Variants in CD93 observed in about 807,000 individuals in gnomAD.
CD93 encodes complement component C1q receptor.
In CD93, 44 loss-of-function variants were observed where a neutral mutation model predicts 45.5. The ratio of observed to expected loss-of-function variants is 0.97; its 90% CI spans 0.76 to 1.24. The LOEUF is 1.24. Among genes scored for constraint, CD93 ranks in the 50% most tolerant of loss-of-function variants. The pLI, the probability that CD93 is intolerant of heterozygous loss-of-function variation, is 0.00. For synonymous variants in CD93, 431 were observed against 370.8 expected, an observed-to-expected ratio of 1.16 and a Z score of -1.87; for missense variants, 918 against 844.5, an observed-to-expected ratio of 1.09 and a Z score of -1.08.
chr20:23,084,676 G>T lies in CD93; in HGVS notation c.1517C>A (p.Pro506His). ...RAATASPTRG[P>H]EGTPKATPTT... ...GGGTGTAGCCTTGGGGGTGCCCTCG[G>T]GGCCCCTTGTGGGACTGGCTGTTGC... Residue 506 changes from proline (P) to histidine (H), a missense_variant, in exon 1 of 2, where the codon CCC becomes CAC. Transcript: ENST00000246006. 1.3e-6 allele frequency: 2 copies of T among 1,585,398 alleles called. No homozygotes were observed. The highest frequency in any genetic ancestry group is 1.7e-6 in the Non-Finnish European group (2 of 1,166,346).
rs537781078 is a variant in CD93 at position 23,082,717 on chromosome 20, T to G, written c.*1233A>C. Reference sequence around the variant, plus strand: ...AAAAATGATTTTAGTTAGTCATCTCTTTCCCTCTTCCTTCCCTCCTTACCC... The same window carrying G: ...AAAAATGATTTTAGTTAGTCATCTCGTTCCCTCTTCCTTCCCTCCTTACCC... On this transcript the variant is annotated 3_prime_UTR_variant, in exon 2 of 2. Transcript: ENST00000246006. 7 of 152,408 alleles carry G rather than the reference T, an allele frequency of 4.6e-5. No individual in the cohort carries two copies. The South Asian group carries it at 1.4e-3, about 32-fold the overall frequency. 9.4% of individuals were successfully genotyped at this position (152,408 alleles called of 1,614,324 possible). A position where few individuals can be genotyped will look rare whatever the true frequency, so the allele number is the denominator to read the frequency against.
chr20:23,085,822 G>A lies in CD93; in HGVS notation c.371C>T (p.Pro124Leu). Residue 124 changes from proline (P) to leucine (L), a missense_variant, in exon 1 of 2, where the codon CCT becomes CTT. Physicochemically the swap from Pro to Leu is moderately conservative, Grantham distance 98. Transcript: ENST00000246006. ...FSWVGGGEDT[P>L]YSNWHKELRN... ...GAGCTCCTTGTGCCAGTTAGAGTAA[G>A]GCGTGTCCTCCCCCCCGCCCACCCA... The A allele has an allele frequency of 6.2e-7, 1 of 1,607,036 alleles. No individual in the cohort carries two copies. Among genetic ancestry groups the A allele is most frequent in the Non-Finnish European group, 8.5e-7 (1 of 1,177,526 alleles).
In CD93 at chr20:23,084,313, C is replaced by A; in HGVS notation, c.1880G>T (p.Ser627Ile). The change falls in exon 1 of 2, where the codon AGT becomes ATT. Residue 627 changes from serine (S) to isoleucine (I), a missense_variant. Ser to Ile is a moderately radical substitution (Grantham distance 142). Transcript: ENST00000246006. ...KEKKPQNAAD[S>I]YSWVPERAES... ...AGCTCGCTCTGGAACCCAGGAGTAACTGTCTGCCGCATTCTGGGGCTTCTT... is the reference window on the plus strand; with the variant it reads ...AGCTCGCTCTGGAACCCAGGAGTAAATGTCTGCCGCATTCTGGGGCTTCTT... 1 of 1,614,218 alleles carries A rather than the reference C, an allele frequency of 6.2e-7. No individual in the cohort carries two copies. The highest frequency in any genetic ancestry group is 8.5e-7 in the Non-Finnish European group (1 of 1,180,036).
rs759482480 is a variant in CD93 at position 23,085,680 on chromosome 20, G to T, written c.513C>A (p.Pro171=). The T allele has an allele frequency of 6.2e-7, 1 of 1,610,344 alleles. No homozygotes were observed. Among genetic ancestry groups the T allele is most frequent in the East Asian group, 2.2e-5 (1 of 44,836 alleles). The change falls in exon 1 of 2, where the codon CCC becomes CCA. Residue 171 remains proline (P), a synonymous_variant. Transcript: ENST00000246006. The part of the protein sequence containing the change: ...SEGPCGSPGS[P]GSNIEGFVCK... Reference sequence around the variant, plus strand: ...ACACGAAGCCCTCAATGTTACTTCCGGGGGAGCCTGGGCTCCCACAGGGGC... The same window carrying T: ...ACACGAAGCCCTCAATGTTACTTCCTGGGGAGCCTGGGCTCCCACAGGGGC...
At position 23,081,557 on chromosome 20, in the gene CD93, A is replaced by G. The variant is rs1288903122; in HGVS notation, c.*2393T>C. 1.3e-5 allele frequency: 2 copies of G among 152,224 alleles called. No individual in the cohort carries two copies. Among genetic ancestry groups the G allele is most frequent in the Non-Finnish European group, 1.5e-5 (1 of 68,052 alleles). 9.4% of individuals were successfully genotyped at this position (152,224 alleles called of 1,614,324 possible). A position where few individuals can be genotyped will look rare whatever the true frequency, so the allele number is the denominator to read the frequency against. On this transcript the variant is annotated 3_prime_UTR_variant, in exon 2 of 2. Coordinates refer to ENST00000246006, the MANE Select transcript of CD93 (RefSeq NM_012072.4). The stretch of plus-strand genomic sequence containing the variant: ...TTGCTGGCTCTCCCCCCGTGGTGGG[A>G]GTGGTGTGCAAGAGAAAGCACCACC...
chr20:23,082,579 G>A lies in CD93; in HGVS notation c.*1371C>T, dbSNP rs559363508. The A allele has an allele frequency of 3.9e-5, 6 of 152,298 alleles. No homozygotes were observed. The highest frequency in any genetic ancestry group is 1.4e-4 in the African/African-American group (6 of 41,482). 9.4% of individuals were successfully genotyped at this position (152,298 alleles called of 1,614,324 possible). On this transcript the variant is annotated 3_prime_UTR_variant, in exon 2 of 2. Coordinates refer to ENST00000246006, the MANE Select transcript of CD93 (RefSeq NM_012072.4). ...TGTGTGTGTGTGTGTGAGAGAGAGA[G>A]AGAGAGAGAAAGAGTGCACACTATC...
Position 23,084,261 on chromosome 20 carries a change from G to A in CD93, c.1932C>T (p.Tyr644=). The change falls in exon 1 of 2, where the codon TAC becomes TAT. Residue 644 remains tyrosine, a splice_region_variant and synonymous_variant. Coordinates refer to ENST00000246006, the MANE Select transcript of CD93 (RefSeq NM_012072.4). ...RAESRAMENQ[Y]SPTPGTDC The stretch of plus-strand genomic sequence containing the variant: ...CGGTCACTCAGGGCCCCCTTTACCT[G>A]TACTGGTTCTCCATGGCCCTGCTCT... 1 of 1,613,490 alleles carries A rather than the reference G, an allele frequency of 6.2e-7. No individual in the cohort carries two copies. The highest frequency in any genetic ancestry group is 1.3e-5 in the African/African-American group (1 of 74,986).
chr20:23,084,875 C>A lies in CD93; in HGVS notation c.1318G>T (p.Asp440Tyr). 2 of 1,613,072 alleles carry A rather than the reference C, an allele frequency of 1.2e-6. No individual in the cohort carries two copies. The highest frequency in any genetic ancestry group is 1.7e-6 in the Non-Finnish European group (2 of 1,179,840). Reference sequence around the variant, plus strand: ...CCTTGTGTGTTGAAGCACAAGCTGTCGCAGAGGGGGCCCCCCGGGCCCACA... The same window carrying A: ...CCTTGTGTGTTGAAGCACAAGCTGTAGCAGAGGGGGCCCCCCGGGCCCACA... ...ECVGPGGPLC[D>Y]SLCFNTQGSF... Residue 440 changes from aspartate (D) to tyrosine (Y), a missense_variant, in exon 1 of 2, where the codon GAC becomes TAC. Coordinates refer to ENST00000246006, the MANE Select transcript of CD93 (RefSeq NM_012072.4).
rs1451904158 is a variant in CD93 at position 23,084,675 on chromosome 20, G to A, written c.1518C>T (p.Pro506=). The change falls in exon 1 of 2, where the codon CCC becomes CCT. Residue 506 remains proline (P), a synonymous_variant. Coordinates refer to ENST00000246006, the MANE Select transcript of CD93 (RefSeq NM_012072.4). ...RAATASPTRG[P]EGTPKATPTT... ...TGGGTGTAGCCTTGGGGGTGCCCTCGGGGCCCCTTGTGGGACTGGCTGTTG... is the reference window on the plus strand; with the variant it reads ...TGGGTGTAGCCTTGGGGGTGCCCTCAGGGCCCCTTGTGGGACTGGCTGTTG... 8.8e-6 allele frequency: 14 copies of A among 1,584,928 alleles called. No individual in the cohort carries two copies. In the Admixed American group the frequency reaches 1.2e-4, roughly 14 times the overall value.
Position 23,083,618 on chromosome 20 carries a change from T to C in CD93, c.*332A>G. 1 of 387,656 alleles carries C rather than the reference T, an allele frequency of 2.6e-6. No individual in the cohort carries two copies. The highest frequency in any genetic ancestry group is 4.9e-5 in the East Asian group (1 of 20,420). 24.0% of individuals were successfully genotyped at this position (387,656 alleles called of 1,614,324 possible). On this transcript the variant is annotated 3_prime_UTR_variant, in exon 2 of 2. Coordinates refer to ENST00000246006, the MANE Select transcript of CD93 (RefSeq NM_012072.4). ...AGATGGTGGAAGTGAGCAGAGAAGA[T>C]ATTCAGGGGAGCCCCTTAGCCCCGG...
In CD93 at chr20:23,082,585, GAGAA is replaced by G. The variant is rs1985355284; in HGVS notation, c.*1361_*1364del. The G allele has an allele frequency of 1.3e-5, 2 of 151,822 alleles. No individual in the cohort carries two copies. The highest frequency in any genetic ancestry group is 4.9e-5 in the African/African-American group (2 of 41,076). 9.4% of individuals were successfully genotyped at this position (151,822 alleles called of 1,614,324 possible). On this transcript the variant is annotated 3_prime_UTR_variant, in exon 2 of 2. Coordinates refer to ENST00000246006, the MANE Select transcript of CD93 (RefSeq NM_012072.4). ...TGTGTGTGTGAGAGAGAGAGAGAGAGAGAAAGAGTGCACACTATCGACTACATTA... is the reference window on the plus strand; with the variant it reads ...TGTGTGTGTGAGAGAGAGAGAGAGAGAGAGTGCACACTATCGACTACATTA...
Position 23,085,097 on chromosome 20 carries a change from G to A in CD93, c.1096C>T (p.Arg366Cys), listed in dbSNP as rs749061410. 65 of 1,606,144 alleles carry A rather than the reference G, an allele frequency of 4.0e-5. No homozygotes were observed. Among genetic ancestry groups the A allele is most frequent in the Middle Eastern group, 3.3e-4 (2 of 6,042 alleles). The change falls in exon 1 of 2, where the codon CGC (arginine) becomes TGC (cysteine). Residue 366 changes from arginine to cysteine, a missense_variant. Physicochemically the swap from Arg to Cys is radical, Grantham distance 180 (BLOSUM62 -3). Transcript: ENST00000246006. ...QECVNTPGGF[R>C]CECWVGYEPG... is the part of the protein sequence containing the mutation. ...TCATAGCCAACCCAGCATTCGCAGC[G>A]GAAGCCCCCAGGGGTGTTGACACAC...
chr20:23,084,175 G>T, intron 1 of CD93, 84 bp downstream of exon 1: 1 of 1,527,356 alleles, frequency 6.5e-7, no homozygotes, highest in Non-Finnish European at 9.0e-7. Context: ...ACCTGGGCCT[G>T]CTCTTGCTGC....
Position 23,085,608 on chromosome 20 carries a change from GC to G in CD93, c.584del (p.Gly195AlafsTer5). The G allele has an allele frequency of 1.2e-6, 2 of 1,613,304 alleles. No individual in the cohort carries two copies. Among genetic ancestry groups the G allele is most frequent in the Non-Finnish European group, 1.7e-6 (2 of 1,179,918 alleles). ...GGGTGGTGTAGGTCACCTGACCTGG[GC>G]CCCCCAGGGCCAGAGGCCGGCACAT... is the stretch of plus-strand genomic sequence containing the variant. ...KGMCRPLALG[G>X]PGQVTYTTPF... On this transcript the variant is annotated frameshift_variant, in exon 1 of 2. Transcript: ENST00000246006. LOFTEE classifies it high-confidence loss of function.
At position 23,085,132 on chromosome 20, in the gene CD93, C is replaced by G. The variant is rs1369057178; in HGVS notation, c.1061G>C (p.Cys354Ser). ...AGGGGTGTTGACACACTCCTGGGCA[C>G]AGGGGGAGTCCTGGCATTCATCCAC... ...VDVDECQDSPCAQECVNTPGG... is the reference protein window; with the variant it reads ...VDVDECQDSPSAQECVNTPGG... The change falls in exon 1 of 2, where the codon TGT becomes TCT. Residue 354 changes from cysteine to serine, a missense_variant. Coordinates refer to ENST00000246006, the MANE Select transcript of CD93 (RefSeq NM_012072.4). 16 of 1,585,328 alleles carry G rather than the reference C, an allele frequency of 1.0e-5. No individual in the cohort carries two copies. In the Admixed American group the frequency reaches 2.4e-4, roughly 24 times the overall value.
At position 23,085,962 on chromosome 20, in the gene CD93, G is replaced by C. The variant is rs1319506076; in HGVS notation, c.231C>G (p.Ala77=). The C allele has an allele frequency of 6.2e-7, 1 of 1,610,612 alleles. No homozygotes were observed. The highest frequency in any genetic ancestry group is 2.2e-5 in the East Asian group (1 of 44,764). ...GGGCTGCCTCCCGCCTCAGGAGCTG[G>C]GCCAGTACTCGCTGGACGTGCTGGG... The part of the protein sequence containing the change: ...EEAQHVQRVL[A]QLLRREAALT... The change falls in exon 1 of 2, where the codon GCC becomes GCG. Residue 77 remains alanine, a synonymous_variant. Coordinates refer to ENST00000246006, the MANE Select transcript of CD93 (RefSeq NM_012072.4).
rs1057054264 is a variant in CD93 at position 23,083,011 on chromosome 20, C to G, written c.*939G>C. The G allele has an allele frequency of 6.6e-6, 1 of 152,660 alleles. No individual in the cohort carries two copies. The highest frequency in any genetic ancestry group is 1.5e-5 in the Non-Finnish European group (1 of 68,038). 9.5% of individuals were successfully genotyped at this position (152,660 alleles called of 1,614,324 possible). The stretch of plus-strand genomic sequence containing the variant: ...GTCTGAGCTCGGAGCACTGGCATTC[C>G]GGGCAGGATGAAGTGGAGGCGGGGC... On this transcript the variant is annotated 3_prime_UTR_variant, in exon 2 of 2. Transcript: ENST00000246006.
chr20:23,085,603 C>G lies in CD93; in HGVS notation c.590G>C (p.Gly197Ala), dbSNP rs1319357412. 1.2e-6 allele frequency: 2 copies of G among 1,613,442 alleles called. No homozygotes were observed. Among genetic ancestry groups the G allele is most frequent in the East Asian group, 4.5e-5 (2 of 44,828 alleles). Reference protein sequence around the residue: ...MCRPLALGGPGQVTYTTPFQT... With the variant: ...MCRPLALGGPAQVTYTTPFQT... Reference sequence around the variant, plus strand: ...GAAGGGGGTGGTGTAGGTCACCTGACCTGGGCCCCCCAGGGCCAGAGGCCG... The same window carrying G: ...GAAGGGGGTGGTGTAGGTCACCTGAGCTGGGCCCCCCAGGGCCAGAGGCCG... Residue 197 changes from glycine (G) to alanine (A), a missense_variant, in exon 1 of 2, where the codon GGT (glycine) becomes GCT (alanine). Gly to Ala is a moderately conservative substitution (Grantham distance 60). Coordinates refer to ENST00000246006, the MANE Select transcript of CD93 (RefSeq NM_012072.4).
Position 23,085,005 on chromosome 20 carries a change from G to T in CD93, c.1188C>A (p.Cys396Ter). Residue 396 changes from cysteine to a stop codon, truncating the protein, a stop_gained, in exon 1 of 2, where the codon TGC becomes TGA. Coordinates refer to ENST00000246006, the MANE Select transcript of CD93 (RefSeq NM_012072.4). LOFTEE classifies it high-confidence loss of function. ...CATCTGTGTTGGTGCAGCCCTGGGC[G>T]CAAGGCGAGCGACCCAGAGCACACT... The part of the protein sequence containing the change: ...VDECALGRSP[C>*]AQGCTNTDGS... 5 of 1,613,912 alleles carry T rather than the reference G, an allele frequency of 3.1e-6. No homozygotes were observed. Among genetic ancestry groups the T allele is most frequent in the Non-Finnish European group, 3.4e-6 (4 of 1,180,010 alleles).
Sources: allele counts gnomAD v4.1 joint callset, GRCh38; gene constraint gnomAD v4.1.1; transcripts MANE v1.5; gene names NCBI Gene and HGNC (gene_info 2026-07-23, HGNC 2026-07-21).